Variants in PRKAG2 observed in about 807,000 individuals in gnomAD.
PRKAG2 encodes protein kinase AMP-activated non-catalytic subunit gamma 2.
A neutral mutation model predicts 69.6 loss-of-function variants in PRKAG2; 26 were observed. That is an observed-to-expected ratio of 0.37 (90% CI 0.27 to 0.52). The LOEUF is 0.52. Ranked by LOEUF, PRKAG2 falls within the 20% of genes least tolerant of loss-of-function variation. The probability of loss-of-function intolerance (pLI) is 0.90; values close to 1 mark genes in which losing one functional copy is unlikely to be tolerated. For missense variants in PRKAG2, 557 were observed against 740.0 expected, an observed-to-expected ratio of 0.75 and a Z score of 2.87; for synonymous variants, 293 against 285.0, an observed-to-expected ratio of 1.03 and a Z score of -0.28.
At chr7:151,740,817 A>C (rs1402915222) in intron 3 of PRKAG2, among the ~76,000 whole-genome samples, 1 of 152,004 alleles carries the variant, frequency 6.6e-6, no homozygotes, top group Non-Finnish European at 1.5e-5. Context: ...AGAGGGGGGA[A>C]CCCAGGCCAG....
chr7:151,808,556 AC>A (rs1157808100), intron 1 of PRKAG2, among the ~76,000 whole-genome samples: 1 of 151,750 alleles, frequency 6.6e-6, no homozygotes, highest in Non-Finnish European at 1.5e-5. Context: ...AGACCCAGGA[AC>A]GTGTACTGTA....
At chr7:151,816,333 G>GT (rs529402719) in intron 1 of PRKAG2, among the ~76,000 whole-genome samples, 198 of 148,088 alleles carry the variant, frequency 1.3e-3, no homozygotes, top group Non-Finnish European at 2.2e-3. Flanking sequence ...ACTGTTTTTT[G>GT]TTTTTTTTTT....
chr7:151,822,344 C>G (rs1445439927), intron 1 of PRKAG2, among the ~76,000 whole-genome samples: 67 of 151,880 alleles, frequency 4.4e-4, no homozygotes, highest in African/African-American at 1.5e-3. Context: ...GGGTCAAGGG[C>G]GGGGGGTGAC....
At chr7:151,672,165 C>T (rs1563391803) in intron 4 of PRKAG2, among the ~76,000 whole-genome samples, 1 of 151,366 alleles carries the variant, frequency 6.6e-6, no homozygotes, top group Non-Finnish European at 1.5e-5. Context: ...GCAGTGGCGC[C>T]ATCTCGGCTC....
chr7:151,828,721 G>T lies in PRKAG2; in HGVS notation c.115-42180C>A, dbSNP rs2078960233. Among the ~76,000 whole-genome samples the T allele has an allele frequency of 6.7e-6, 1 of 149,792 alleles. No individual in the cohort carries two copies. Among genetic ancestry groups the T allele is most frequent in the Non-Finnish European group, 1.5e-5 (1 of 67,634 alleles). On this transcript the variant is annotated intron_variant, in intron 1 of 15. Transcript: ENST00000287878. This position sits in a 1 kb window ranked among gnomAD's most constrained non-coding sequence, Gnocchi z 4.6. ...GGACTGCTTGAGCTCGGGAGTTTGA[G>T]ACCAGACTGGACAACACAGCGAGAC...
chr7:151,565,305 T>A (rs996865649), intron 13 of PRKAG2, 41 bp downstream of exon 13: 1 of 1,330,860 alleles, frequency 7.5e-7, no homozygotes, highest in African/African-American at 1.5e-5. Context: ...ATGTTTAAAA[T>A]GCATTCTAGG....
chr7:151,559,232 C>T (rs182656435), intron 15 of PRKAG2: 10 of 971,648 alleles, frequency 1.0e-5, no homozygotes, highest in East Asian at 1.1e-4. Flanking sequence ...CTGTACTGTT[C>T]GTTTTCAATC....
At chr7:151,735,535 C>G (rs540347646) in intron 3 of PRKAG2, among the ~76,000 whole-genome samples, 2 of 152,344 alleles carry the variant, frequency 1.3e-5, no homozygotes, top group African/African-American at 2.4e-5. Context: ...CAATAGTTTC[C>G]TCTAAACTGC....
At chr7:151,735,960 T>C in intron 3 of PRKAG2, 1 of 1,536,356 alleles carries the variant, frequency 6.5e-7, no homozygotes, top group Non-Finnish European at 8.7e-7. Flanking sequence ...TCCTTGTGTT[T>C]CTTGTTGCTC....
chr7:151,714,541 C>G (rs1046721745), intron 3 of PRKAG2, among the ~76,000 whole-genome samples: 14 of 152,000 alleles, frequency 9.2e-5, no homozygotes, highest in Admixed American at 9.2e-4. Flanking sequence ...CCTTGCCCTT[C>G]GTGTATCTGT....
At chr7:151,707,929 T>G (rs1476329276) in intron 3 of PRKAG2, among the ~76,000 whole-genome samples, 1 of 152,182 alleles carries the variant, frequency 6.6e-6, no homozygotes, top group African/African-American at 2.4e-5. Flanking sequence ...GGTGGACATC[T>G]ACCCAGAGAA....
At chr7:151,854,982 T>A (rs373506928) in intron 1 of PRKAG2, among the ~76,000 whole-genome samples, 2 of 20,626 alleles carry the variant, frequency 9.7e-5, no homozygotes, top group East Asian at 1.0e-3. Context: ...ACACACACCA[T>A]GCTCCACACA....
chr7:151,668,240 T>C (rs1457986761), intron 4 of PRKAG2, among the ~76,000 whole-genome samples: 2 of 152,230 alleles, frequency 1.3e-5, no homozygotes, highest in Non-Finnish European at 2.9e-5. Flanking sequence ...GTCTGCTCCC[T>C]TTCTGCTTTC....
chr7:151,854,155 G>A (rs748594756), intron 1 of PRKAG2, among the ~76,000 whole-genome samples: 4 of 152,218 alleles, frequency 2.6e-5, no homozygotes, highest in East Asian at 3.8e-4. Flanking sequence ...CCTCCACCCC[G>A]ACTGCTGTTG....
chr7:151,710,147 C>A (rs1795048772), intron 3 of PRKAG2, among the ~76,000 whole-genome samples: 1 of 152,164 alleles, frequency 6.6e-6, no homozygotes, highest in South Asian at 2.1e-4. Flanking sequence ...GCCGCCTCTC[C>A]CCTGAGCTGA....
intron 3 of PRKAG2, among the ~76,000 whole-genome samples, chr7:151,776,297 C>CAT (rs1470449736): frequency 6.6e-6 from 1 of 152,250 alleles, no homozygotes; most frequent in Non-Finnish European, 1.5e-5. Context: ...AGAGCCATGT[C>CAT]ATAGCCTTCC....
chr7:151,618,518 A>C (rs1242739124), intron 5 of PRKAG2, among the ~76,000 whole-genome samples: 1 of 151,870 alleles, frequency 6.6e-6, no homozygotes. Context: ...TAATCCCAGC[A>C]CTTTGGGAGG....
rs921055155 is a variant in PRKAG2 at position 151,745,272 on chromosome 7, G to A, written c.466+35880C>T. ...GAGGGCACGGGTCCCCTCCGCGCCG[G>A]GGAGCAGCAACACGCCTTAGCACAT... On this transcript the variant is annotated intron_variant, in intron 3 of 15. Transcript: ENST00000287878. Among the ~76,000 whole-genome samples the A allele has an allele frequency of 2.0e-5, 3 of 152,158 alleles. No individual in the cohort carries two copies. In the East Asian group the frequency reaches 5.8e-4, roughly 29 times the overall value.
At chr7:151,694,082 C>T (rs2151539930) in intron 3 of PRKAG2, among the ~76,000 whole-genome samples, 1 of 152,298 alleles carries the variant, frequency 6.6e-6, no homozygotes, top group South Asian at 2.1e-4. Flanking sequence ...CCATGTTGGC[C>T]AGGCTGGTCT....
Sources: gnomAD v4.1 joint callset for allele counts (sites outside exome capture counted in the v4.1 genomes callset) on GRCh38, gnomAD v4.1.1 for gene constraint, Gnocchi (gnomAD v3.1) non-coding constraint, MANE v1.5 for transcripts, NCBI Gene and HGNC (gene_info 2026-07-23, HGNC 2026-07-21) for gene names.